Variants in KCNB2 observed in about 807,000 individuals in gnomAD.
KCNB2 encodes potassium voltage-gated channel subfamily B member 2.
In KCNB2, 15 loss-of-function variants were observed where a neutral mutation model predicts 61.5. The ratio of observed to expected loss-of-function variants is 0.24; its 90% CI spans 0.16 to 0.38. The LOEUF (loss-of-function observed/expected upper bound fraction) is 0.38, where lower values mean the gene tolerates loss of function less well. KCNB2 is among the 10% of genes least tolerant of loss of function. The pLI is 1.00. For missense variants in KCNB2, 828 were observed against 1,125.2 expected (o/e 0.74, Z 3.78); for synonymous variants, 457 against 446.0 (o/e 1.02, Z -0.31).
rs377469016 is a variant in KCNB2 at position 72,937,122 on chromosome 8, A to G, written c.1767A>G (p.Ala589=). 45 of 1,614,074 alleles carry G rather than the reference A, an allele frequency of 2.8e-5. No homozygotes were observed. The highest frequency in any genetic ancestry group is 6.7e-5 in the Admixed American group (4 of 60,008). ...GTCCACAGGAGCAGCTGGCCGTGGC[A>G]CAGACCGAGGTCATTGTGGACATGA... is the stretch of plus-strand genomic sequence containing the variant. The part of the protein sequence containing the change: ...VVCPQEQLAV[A]QTEVIVDMKS... Residue 589 remains alanine, a synonymous_variant, in exon 3 of 3, where the codon GCA becomes GCG. Transcript: ENST00000523207.
intron 2 of KCNB2, among the ~76,000 whole-genome samples, chr8:72,762,276 C>T (rs1380887471): frequency 1.3e-5 from 2 of 152,292 alleles, no homozygotes; most frequent in East Asian, 3.9e-4. Context: ...TTAACATTTT[C>T]CAGGCATGAA....
chr8:72,704,549 CA>C (rs1318893152), intron 2 of KCNB2, among the ~76,000 whole-genome samples: 1 of 148,606 alleles, frequency 6.7e-6, no homozygotes, highest in African/African-American at 2.5e-5. Context: ...ATTGGTGAAA[CA>C]GCCAAGTAAT....
At chr8:72,826,761 A>G (rs1809602607) in intron 2 of KCNB2, among the ~76,000 whole-genome samples, 1 of 152,168 alleles carries the variant, frequency 6.6e-6, no homozygotes, top group Admixed American at 6.5e-5. Flanking sequence ...AAAAGAACTA[A>G]TTTCTTCACT....
chr8:72,749,475 T>C (rs1012750824), intron 2 of KCNB2: 7 of 151,992 alleles, frequency 4.6e-5, no homozygotes, highest in Admixed American at 2.6e-4. Flanking sequence ...TGAATGTGTT[T>C]TTATGATAAG....
chr8:72,593,756 T>A (rs759188326), intron 2 of KCNB2, among the ~76,000 whole-genome samples: 7 of 152,202 alleles, frequency 4.6e-5, no homozygotes, highest in Non-Finnish European at 1.0e-4. Flanking sequence ...ATTGATTTTG[T>A]GGTGATCAAT....
intron 1 of KCNB2, among the ~76,000 whole-genome samples, chr8:72,546,482 A>G (rs1236080676): frequency 6.6e-6 from 1 of 150,958 alleles, no homozygotes; most frequent in East Asian, 1.9e-4. Context: ...GCACCACTGC[A>G]CTCCAGCCTG....
At chr8:72,640,853 A>G (rs535800661) in intron 2 of KCNB2, among the ~76,000 whole-genome samples, 1 of 152,096 alleles carries the variant, frequency 6.6e-6, no homozygotes, top group African/African-American at 2.4e-5. Context: ...CAATTAATTC[A>G]ATTTTATAGT....
At chr8:72,883,780 G>A (rs893844232) in intron 2 of KCNB2, among the ~76,000 whole-genome samples, 9 of 151,930 alleles carry the variant, frequency 5.9e-5, no homozygotes, top group South Asian at 2.1e-4. Flanking sequence ...GAAACGTTAC[G>A]TAGTGTTCCA....
chr8:72,762,680 A>G (rs1434492452), intron 2 of KCNB2, among the ~76,000 whole-genome samples: 2 of 152,094 alleles, frequency 1.3e-5, no homozygotes, highest in Admixed American at 6.6e-5. Context: ...CAATGAAATA[A>G]TAATATATCA....
At chr8:72,546,660 C>T (rs201303045) in intron 1 of KCNB2, among the ~76,000 whole-genome samples, 1 of 152,318 alleles carries the variant, frequency 6.6e-6, no homozygotes, top group East Asian at 1.9e-4. Context: ...GAGACAGGGT[C>T]TCACTCTGTC....
At chr8:72,793,743 G>C (rs986482446) in intron 2 of KCNB2, among the ~76,000 whole-genome samples, 1 of 152,206 alleles carries the variant, frequency 6.6e-6, no homozygotes, top group Non-Finnish European at 1.5e-5. Flanking sequence ...ACTGTGAATA[G>C]AATGGTATTT....
intron 2 of KCNB2, among the ~76,000 whole-genome samples, chr8:72,715,839 C>T (rs1451217442): frequency 6.6e-6 from 1 of 152,014 alleles, no homozygotes; most frequent in Non-Finnish European, 1.5e-5. Flanking sequence ...GACAGAGACA[C>T]AAAAAACCTT....
intron 2 of KCNB2, among the ~76,000 whole-genome samples, chr8:72,747,912 C>T (rs987957218): frequency 7.9e-5 from 12 of 152,128 alleles, no homozygotes; most frequent in African/African-American, 2.9e-4. Flanking sequence ...ACCTTTTTAT[C>T]CACTCAGTCA....
intron 2 of KCNB2, among the ~76,000 whole-genome samples, chr8:72,663,294 A>C (rs535359190): frequency 2.0e-5 from 3 of 152,182 alleles, no homozygotes; most frequent in Non-Finnish European, 4.4e-5. Context: ...CCAAGTAACA[A>C]GTAGGGTGCT....
intron 2 of KCNB2, among the ~76,000 whole-genome samples, chr8:72,617,009 T>C (rs1327193624): frequency 6.6e-6 from 1 of 152,170 alleles, no homozygotes; most frequent in Non-Finnish European, 1.5e-5. Context: ...GCTTCACACC[T>C]CGAGCCAGGT....
chr8:72,844,718 C>T (rs1299302391), intron 2 of KCNB2, among the ~76,000 whole-genome samples: 1 of 152,196 alleles, frequency 6.6e-6, no homozygotes, highest in African/African-American at 2.4e-5. Context: ...CTTTCTTCCG[C>T]TTAATCAATT....
intron 2 of KCNB2, among the ~76,000 whole-genome samples, chr8:72,930,152 G>A (rs369278679): frequency 6.6e-6 from 1 of 151,882 alleles, no homozygotes; most frequent in Non-Finnish European, 1.5e-5. Flanking sequence ...TGGCTGCATA[G>A]TATTCCATGG....
intron 2 of KCNB2, among the ~76,000 whole-genome samples, chr8:72,626,781 G>A (rs1377505243): frequency 2.0e-5 from 3 of 152,218 alleles, no homozygotes; most frequent in Non-Finnish European, 2.9e-5. Context: ...TCCTGTTAAT[G>A]TGACAAGCAC....
At chr8:72,916,676 T>G (rs1160573886) in intron 2 of KCNB2, among the ~76,000 whole-genome samples, 2 of 152,160 alleles carry the variant, frequency 1.3e-5, no homozygotes, top group African/African-American at 4.8e-5. Context: ...GTCACATGAA[T>G]GAATTGAATG....
Sources: allele counts gnomAD v4.1 joint callset (sites outside exome capture counted in the v4.1 genomes callset), GRCh38; gene constraint gnomAD v4.1.1; transcripts MANE v1.5; gene names NCBI Gene and HGNC (gene_info 2026-07-23, HGNC 2026-07-21).